FGF14: variants seen among roughly 807,000 people sequenced by gnomAD.
FGF14 encodes the protein fibroblast growth factor homologous factor 4.
A neutral mutation model predicts 25.5 loss-of-function variants in FGF14; 5 were observed. The observed-to-expected ratio is 0.20, with a 90% confidence interval of 0.10 to 0.41. The LOEUF (loss-of-function observed/expected upper bound fraction) is 0.41, where lower values mean the gene tolerates loss of function less well. FGF14 is among the 10% of genes least tolerant of loss of function. FGF14 has a pLI of 1.00. For synonymous variants in FGF14, 138 were observed against 118.3 expected (o/e 1.17, Z -1.08); for missense variants, 222 against 320.1 (o/e 0.69, Z 2.34).
intron 1 of FGF14, among the ~76,000 whole-genome samples, chr13:101,965,615 G>A (rs967535560): frequency 4.0e-5 from 6 of 150,738 alleles, no homozygotes; most frequent in South Asian, 2.1e-4. Flanking sequence ...AGAATAAAAC[G>A]TTGTTTTCCA....
intron 1 of FGF14, among the ~76,000 whole-genome samples, chr13:102,047,728 T>C (rs937195164): frequency 3.9e-5 from 6 of 152,038 alleles, no homozygotes; most frequent in African/African-American, 1.4e-4. Flanking sequence ...TACCTAATGC[T>C]AAATGACGAG....
At chr13:102,355,171 G>T (rs2057387503) in intron 1 of FGF14, among the ~76,000 whole-genome samples, 1 of 152,184 alleles carries the variant, frequency 6.6e-6, no homozygotes. Flanking sequence ...GCAAAATGCA[G>T]TAACAATAAT....
chr13:102,160,355 C>A (rs1166718976), intron 1 of FGF14, among the ~76,000 whole-genome samples: 1 of 152,154 alleles, frequency 6.6e-6, no homozygotes, highest in Non-Finnish European at 1.5e-5. Flanking sequence ...CAGCTATGTT[C>A]TACATCATCC....
rs146215246 is a variant in FGF14 at position 101,930,519 on chromosome 13, T to TA, written c.209-55224dup. Among the ~76,000 whole-genome samples the TA allele has an allele frequency of 4.3e-3, 649 of 152,368 alleles. 2 individuals are homozygous for TA. Among genetic ancestry groups the TA allele is most frequent in the African/African-American group, 0.015 (615 of 41,592 alleles). On this transcript the variant is annotated intron_variant, in intron 1 of 4. Transcript: ENST00000376131. ...ATTTTCATAACATTCCTTATGTGGT[T>TA]ACACAATCATTCAGCGATTTTCTTT... is the stretch of plus-strand genomic sequence containing the variant.
chr13:101,908,001 A>C (rs1171203581), intron 1 of FGF14, among the ~76,000 whole-genome samples: 2 of 152,172 alleles, frequency 1.3e-5, no homozygotes, highest in Non-Finnish European at 2.9e-5. Flanking sequence ...GGAGTATGTG[A>C]ACATTTATTT....
intron 1 of FGF14, among the ~76,000 whole-genome samples, chr13:102,016,798 A>G (rs1364735122): frequency 4.6e-5 from 7 of 151,976 alleles, no homozygotes; most frequent in Admixed American, 4.6e-4. Flanking sequence ...GGCTTTTTCT[A>G]TTTTAACTAA....
intron 1 of FGF14, among the ~76,000 whole-genome samples, chr13:102,086,870 A>T (rs758095144): frequency 3.9e-5 from 6 of 152,170 alleles, no homozygotes; most frequent in Admixed American, 1.3e-4. Context: ...GGCTTTTAAA[A>T]CTTTCCAGGA....
chr13:102,162,815 T>C (rs2047835801), intron 1 of FGF14, among the ~76,000 whole-genome samples: 1 of 152,014 alleles, frequency 6.6e-6, no homozygotes. Context: ...AGCTGCCAGG[T>C]TTTTTCTATT....
intron 1 of FGF14, among the ~76,000 whole-genome samples, chr13:102,352,609 G>A (rs918970537): frequency 1.8e-4 from 27 of 151,962 alleles, no homozygotes; most frequent in African/African-American, 6.0e-4. Context: ...TCAGGAGATC[G>A]AGACCATTCT....
At chr13:101,817,671 C>T (rs778759565) in intron 3 of FGF14, among the ~76,000 whole-genome samples, 2 of 152,110 alleles carry the variant, frequency 1.3e-5, no homozygotes, top group East Asian at 3.9e-4. Flanking sequence ...TACATTCAGC[C>T]TCTGGTGTTC....
intron 1 of FGF14, chr13:102,354,290 C>T (rs1357123367): frequency 6.6e-6 from 1 of 152,214 alleles, no homozygotes; most frequent in Non-Finnish European, 1.5e-5. Flanking sequence ...TATCTGATTG[C>T]TTCTTCTCAC....
intron 3 of FGF14, among the ~76,000 whole-genome samples, chr13:101,802,964 G>A (rs1208906275): frequency 1.3e-5 from 2 of 152,034 alleles, no homozygotes; most frequent in Non-Finnish European, 2.9e-5. Flanking sequence ...GCACTGTGAG[G>A]CTGGACCTGC....
intron 1 of FGF14, among the ~76,000 whole-genome samples, chr13:102,145,437 T>C (rs1194343498): frequency 2.0e-5 from 3 of 152,208 alleles, no homozygotes; most frequent in African/African-American, 7.2e-5. Flanking sequence ...AGAACCTAGA[T>C]GAATGTCATT....
chr13:101,726,820 G>GA lies in FGF14; in HGVS notation c.409-11dup. 6.3e-7 allele frequency: 1 copy of GA among 1,595,514 alleles called. No homozygotes were observed. Among genetic ancestry groups the GA allele is most frequent in the South Asian group, 1.1e-5 (1 of 90,512 alleles). Reference sequence around the variant, plus strand: ...CAGGGGTAAAAAGTTCCTGTGGAGAGAAAATGAAACAAAAGTTAGAGGAAG... The same window carrying GA: ...CAGGGGTAAAAAGTTCCTGTGGAGAGAAAAATGAAACAAAAGTTAGAGGAAG... On this transcript the variant is annotated splice_polypyrimidine_tract_variant and intron_variant, in intron 3 of 4. Transcript: ENST00000376143.
intron 1 of FGF14, among the ~76,000 whole-genome samples, chr13:102,088,973 C>T (rs1386159414): frequency 1.3e-5 from 2 of 152,106 alleles, no homozygotes; most frequent in Non-Finnish European, 2.9e-5. Context: ...GTCAAGATTT[C>T]AAAGATTGTG....
At chr13:102,244,436 T>C (rs190230816) in intron 1 of FGF14, among the ~76,000 whole-genome samples, 34 of 148,104 alleles carry the variant, frequency 2.3e-4, no homozygotes, top group African/African-American at 6.7e-4. Context: ...AGCTAATAAA[T>C]AAATAAATAA....
chr13:102,114,705 T>C (rs901411646), intron 1 of FGF14, among the ~76,000 whole-genome samples: 1 of 152,114 alleles, frequency 6.6e-6, no homozygotes, highest in South Asian at 2.1e-4. Context: ...GAGAACATTA[T>C]GGTAAGCAAT....
At chr13:102,140,045 C>G (rs1232449022) in intron 1 of FGF14, among the ~76,000 whole-genome samples, 1 of 105,156 alleles carries the variant, frequency 9.5e-6, no homozygotes. Flanking sequence ...TCTTCAAGAC[C>G]CCCCCCCCCC....
chr13:102,357,983 C>T (rs1028498478), intron 1 of FGF14, among the ~76,000 whole-genome samples: 1 of 152,136 alleles, frequency 6.6e-6, no homozygotes, highest in Non-Finnish European at 1.5e-5. Context: ...AAAGATTTTT[C>T]ACCAACAGCA....
Sources: allele counts gnomAD v4.1 joint callset (sites outside exome capture counted in the v4.1 genomes callset), GRCh38; gene constraint gnomAD v4.1.1; transcripts MANE v1.5; gene names NCBI Gene and HGNC (gene_info 2026-07-23, HGNC 2026-07-21).